The following COL4A2 variants were observed in gnomAD, a reference collection of about 807,000 sequenced individuals.
The protein encoded by COL4A2 is collagen alpha-2(IV) chain.
Under a neutral mutation model 200.2 loss-of-function variants are expected in COL4A2, and 99 were observed. That is an observed-to-expected ratio of 0.49 (90% CI 0.42 to 0.58). The LOEUF is 0.58. Among genes scored for constraint, COL4A2 ranks in the 20% least tolerant of loss-of-function variants. The pLI, the probability that COL4A2 is intolerant of heterozygous loss-of-function variation, is 0.00. For missense variants in COL4A2, 1,950 were observed against 2,314.1 expected (o/e 0.84, Z 3.23); for synonymous variants, 897 against 900.6 (o/e 1.00, Z 0.07).
rs190389701 is a variant in COL4A2, at chr13:110,477,869, G to A, written c.2426-134G>A. 3 of 875,648 alleles carry A rather than the reference G, an allele frequency of 3.4e-6. No individual in the cohort carries two copies. The East Asian group carries it at 9.4e-5, about 27-fold the overall frequency. 54.2% of individuals were successfully genotyped at this position (875,648 alleles called of 1,614,324 possible). On this transcript the variant is annotated intron_variant, in intron 29 of 47. Coordinates refer to ENST00000360467, the MANE Select transcript of COL4A2 (RefSeq NM_001846.4). ...CTGATTTTATCCTTTATACTTCTTT[G>A]TGTTTTCCTGATTCTCTAGAGTCCA...
intron 3 of COL4A2, among the ~76,000 whole-genome samples, chr13:110,320,712 A>G (rs1248378558): frequency 2.0e-5 from 3 of 152,232 alleles, no homozygotes; most frequent in Non-Finnish European, 4.4e-5. Flanking sequence ...ATTTAAAAGG[A>G]AAGATCATAG....
In COL4A2 at chr13:110,457,761, A is replaced by G. The variant is rs777836427; in HGVS notation, c.1432+326A>G. 15 of 500,332 alleles carry G rather than the reference A, an allele frequency of 3.0e-5. No homozygotes were observed. In the East Asian group the frequency reaches 6.6e-4, roughly 22 times the overall value. The allele number at this position is 500,332 out of a possible 1,614,324, so 31.0% of individuals were successfully genotyped here. A position where few individuals can be genotyped will look rare whatever the true frequency, so the allele number is the denominator to read the frequency against. The stretch of plus-strand genomic sequence containing the variant: ...AACAGTTATTTCTTAGGCTGCACTC[A>G]GGTAGTGTCTCAAGGGCTCAGCTCC... On this transcript the variant is annotated intron_variant, in intron 21 of 47. Coordinates refer to ENST00000360467, the MANE Select transcript of COL4A2 (RefSeq NM_001846.4).
At chr13:110,377,017 A>G (rs1878265075) in intron 4 of COL4A2, among the ~76,000 whole-genome samples, 1 of 152,102 alleles carries the variant, frequency 6.6e-6, no homozygotes, top group African/African-American at 2.4e-5. Flanking sequence ...AGTGTGGTTC[A>G]TCTTATTAAG....
chr13:110,321,208 G>GTATA (rs564904701), intron 3 of COL4A2, among the ~76,000 whole-genome samples: 2,337 of 146,590 alleles, frequency 0.016, 26 homozygotes, highest in African/African-American at 0.029. Flanking sequence ...GTGTCTGTGT[G>GTATA]TATATATATA....
intron 4 of COL4A2, among the ~76,000 whole-genome samples, chr13:110,366,693 T>C (rs1301503227): frequency 6.6e-6 from 1 of 152,224 alleles, no homozygotes; most frequent in African/African-American, 2.4e-5. Context: ...TGCTTTATTT[T>C]GTCCATCATT....
chr13:110,345,190 G>T (rs1220748398), intron 3 of COL4A2, among the ~76,000 whole-genome samples: 2 of 152,146 alleles, frequency 1.3e-5, no homozygotes, highest in African/African-American at 4.8e-5. Context: ...GGAAGGTGAG[G>T]GTATGGAGGA....
At position 110,335,980 on chromosome 13, in the gene COL4A2, G is replaced by A. The variant is rs367940088; in HGVS notation, c.100-21492G>A. 7.4e-3 allele frequency among the ~76,000 whole-genome samples: 1,132 copies of A among 152,316 alleles called. 11 individuals carry two copies. Among genetic ancestry groups the A allele is most frequent in the Non-Finnish European group, 0.011 (717 of 68,030 alleles). Reference sequence around the variant, plus strand: ...ACTCTCGTGGGCTTCTGTTGGCAATGTAGACTCATCCAGTCTCCTGTGGAT... The same window carrying A: ...ACTCTCGTGGGCTTCTGTTGGCAATATAGACTCATCCAGTCTCCTGTGGAT... On this transcript the variant is annotated intron_variant, in intron 3 of 47. Coordinates refer to ENST00000360467, the MANE Select transcript of COL4A2 (RefSeq NM_001846.4).
chr13:110,463,000 C>T (rs1004962907), intron 24 of COL4A2: 3 of 154,832 alleles, frequency 1.9e-5, no homozygotes, highest in African/African-American at 4.8e-5. Flanking sequence ...CCATTTTCCT[C>T]CCTCTAGTCA....
intron 17 of COL4A2, 47 bp from the exon 18 acceptor site, chr13:110,446,751 T>A: frequency 6.5e-7 from 1 of 1,546,990 alleles, no homozygotes. Flanking sequence ...TGTCAAAAAC[T>A]CCAAAAGGCT....
At chr13:110,420,894 C>A (rs1039134225) in intron 4 of COL4A2, among the ~76,000 whole-genome samples, 1 of 152,214 alleles carries the variant, frequency 6.6e-6, no homozygotes, top group Non-Finnish European at 1.5e-5. Flanking sequence ...TTGTGCACAG[C>A]GGAGAGGGAT....
At chr13:110,348,297 G>C (rs1291349533) in intron 3 of COL4A2, among the ~76,000 whole-genome samples, 1 of 152,198 alleles carries the variant, frequency 6.6e-6, no homozygotes, top group Non-Finnish European at 1.5e-5. Context: ...CCATTCTGTA[G>C]AGTGAACACA....
rs758765622 is a variant in COL4A2, at chr13:110,504,141, C to A, written c.4286-7C>A. ...TCCAGCCATAACGCTTCTTTGGTGG[C>A]TTGCAGGTTTCCGTGGGGCTCCAGG... On this transcript the variant is annotated splice_polypyrimidine_tract_variant and splice_region_variant and intron_variant, in intron 44 of 47. Transcript: ENST00000360467. 7 of 1,613,138 alleles carry A rather than the reference C, an allele frequency of 4.3e-6. No homozygotes were observed. The highest frequency in any genetic ancestry group is 1.3e-5 in the African/African-American group (1 of 74,922).
chr13:110,472,147 A>G (rs200555909), intron 28 of COL4A2, among the ~76,000 whole-genome samples: 105 of 70,168 alleles, frequency 1.5e-3, no homozygotes, highest in African/African-American at 3.1e-3. Context: ...ATGGAATCTC[A>G]CTCTGTCGCC....
At chr13:110,364,927 C>T (rs1877678486) in intron 4 of COL4A2, among the ~76,000 whole-genome samples, 1 of 152,182 alleles carries the variant, frequency 6.6e-6, no homozygotes, top group African/African-American at 2.4e-5. Context: ...CTAGCCACAC[C>T]TGAAGTACTC....
intron 4 of COL4A2, among the ~76,000 whole-genome samples, chr13:110,406,203 C>T (rs549382886): frequency 1.3e-5 from 2 of 152,304 alleles, no homozygotes; most frequent in Admixed American, 6.5e-5. Context: ...TCATAACCAG[C>T]GGACTGTCAG....
At chr13:110,504,069 C>T (rs1883754726) in intron 44 of COL4A2, 76 bp downstream of exon 44, 2 of 1,573,048 alleles carry the variant, frequency 1.3e-6, no homozygotes, top group African/African-American at 2.7e-5. Flanking sequence ...ATTGCGTCCT[C>T]TTGTGTTCTC....
chr13:110,307,766 C>T lies in COL4A2; in HGVS notation c.-44-94C>T. Reference sequence around the variant, plus strand: ...TCACCCCTGCATGCGGGCCGCGCACCGCGCTGTCCCCGCGTCTCGCGGACC... The same window carrying T: ...TCACCCCTGCATGCGGGCCGCGCACTGCGCTGTCCCCGCGTCTCGCGGACC... On this transcript the variant is annotated intron_variant, in intron 1 of 47. Transcript: ENST00000360467. This position sits in a 1 kb window ranked among gnomAD's most constrained non-coding sequence, Gnocchi z 5.0. The T allele has an allele frequency of 3.3e-6, 4 of 1,223,124 alleles. No individual in the cohort carries two copies. Among genetic ancestry groups the T allele is most frequent in the South Asian group, 3.1e-5 (2 of 65,066 alleles). 75.8% of individuals were successfully genotyped at this position (1,223,124 alleles called of 1,614,324 possible).
At position 110,418,236 on chromosome 13, in the gene COL4A2, T is replaced by C. The variant is rs187930592; in HGVS notation, c.181-6498T>C. Among the ~76,000 whole-genome samples, 6 of 152,352 alleles carry C rather than the reference T, an allele frequency of 3.9e-5. No individual in the cohort carries two copies. In the East Asian group the frequency reaches 7.7e-4, roughly 20 times the overall value. On this transcript the variant is annotated intron_variant, in intron 4 of 47. Coordinates refer to ENST00000360467, the MANE Select transcript of COL4A2 (RefSeq NM_001846.4). ...AGTTGGATTGTTCATATCTTTAGTATTGAGTTTTGAGAGTTCTTTATATGT... is the reference window on the plus strand; with the variant it reads ...AGTTGGATTGTTCATATCTTTAGTACTGAGTTTTGAGAGTTCTTTATATGT...
At chr13:110,311,033 A>G (rs1884966754) in intron 3 of COL4A2, among the ~76,000 whole-genome samples, 1 of 152,092 alleles carries the variant, frequency 6.6e-6, no homozygotes, top group African/African-American at 2.4e-5. Context: ...CCTGAGTTTC[A>G]GTCTTTGAGT....
Sources: allele counts gnomAD v4.1 joint callset (sites outside exome capture counted in the v4.1 genomes callset), GRCh38; gene constraint gnomAD v4.1.1; non-coding constraint Gnocchi (gnomAD v3.1); transcripts MANE v1.5; gene names NCBI Gene and HGNC (gene_info 2026-07-23, HGNC 2026-07-21).